WWP1: variants seen among roughly 807,000 people sequenced by gnomAD.
The protein encoded by WWP1 is NEDD4-like E3 ubiquitin-protein ligase WWP1.
A neutral mutation model predicts 130.6 loss-of-function variants in WWP1; 49 were observed. The observed-to-expected ratio is 0.38, with a 90% confidence interval of 0.30 to 0.48. The LOEUF (loss-of-function observed/expected upper bound fraction) is 0.48. Among genes scored for constraint, WWP1 ranks in the 20% least tolerant of loss-of-function variants. WWP1 has a pLI of 0.99. For missense variants in WWP1, 809 were observed against 1,100.6 expected (o/e 0.74, Z 3.75); for synonymous variants, 332 against 367.8 (o/e 0.90, Z 1.11).
chr8:86,438,587 T>G lies in WWP1; in HGVS notation c.1752T>G (p.Ile584Met), dbSNP rs751524730. ...QTLFEDSFQQ[I>M]MALKPYDLRR... ...TTCATGTTTTTGTTTTTAATTAGAT[T>G]ATGGCATTAAAACCCTATGACTTGA... Residue 584 changes from isoleucine (I) to methionine (M), a missense_variant and splice_region_variant, in exon 17 of 25, where the codon ATT (isoleucine) becomes ATG (methionine). Around this residue, in one of 3 missense-constraint regions of WWP1, gnomAD observed 450 missense variants for 674.2 expected, o/e 0.67. Transcript: ENST00000517970. 3 of 1,596,082 alleles carry G rather than the reference T, an allele frequency of 1.9e-6. No homozygotes were observed. The highest frequency in any genetic ancestry group is 2.6e-6 in the Non-Finnish European group (3 of 1,174,948).
chr8:86,438,487 A>G, intron 16 of WWP1, 98 bp from the exon 17 acceptor site: 2 of 889,328 alleles, frequency 2.2e-6, no homozygotes, highest in Non-Finnish European at 3.3e-6. Flanking sequence ...AGATAAGGAA[A>G]TGTGTTATTT....
chr8:86,360,322 T>C (rs1823519491), intron 1 of WWP1, among the ~76,000 whole-genome samples: 1 of 152,188 alleles, frequency 6.6e-6, no homozygotes, highest in Non-Finnish European at 1.5e-5. Context: ...CCTCGTAACT[T>C]TCACATTGTT....
intron 14 of WWP1, among the ~76,000 whole-genome samples, chr8:86,433,258 A>G (rs1586450369): frequency 1.7e-5 from 2 of 119,600 alleles, no homozygotes; most frequent in South Asian, 2.5e-4. Context: ...TGTTAACTAC[A>G]TTCATTCTCT....
Position 86,430,763 on chromosome 8 carries a change from T to A in WWP1, c.1387+12T>A. 6.5e-7 allele frequency: 1 copy of A among 1,532,324 alleles called. No individual in the cohort carries two copies. Among genetic ancestry groups the A allele is most frequent in the Non-Finnish European group, 8.8e-7 (1 of 1,135,852 alleles). The allele number at this position is 1,532,324 out of a possible 1,614,324, so 94.9% of individuals were successfully genotyped here. A position where few individuals can be genotyped will look rare whatever the true frequency, so the allele number is the denominator to read the frequency against. On this transcript the variant is annotated intron_variant, in intron 12 of 24. Transcript: ENST00000517970. ...GCCACCAGGCTGGGGTAAGCTGTTT[T>A]TGCTAATGATCTATAAGGGAGATAT...
At chr8:86,401,803 A>G (rs758222919) in intron 7 of WWP1, among the ~76,000 whole-genome samples, 7 of 152,160 alleles carry the variant, frequency 4.6e-5, no homozygotes, top group Non-Finnish European at 8.8e-5. Context: ...TTAAAACTTT[A>G]ATATAAAACA....
chr8:86,399,188 G>A (rs1014784968), intron 7 of WWP1, among the ~76,000 whole-genome samples: 3 of 152,060 alleles, frequency 2.0e-5, no homozygotes, highest in African/African-American at 7.2e-5. Flanking sequence ...TATTTTATGA[G>A]TACAGTCAGA....
chr8:86,396,934 G>C (rs1464671537), intron 5 of WWP1, among the ~76,000 whole-genome samples: 1 of 152,072 alleles, frequency 6.6e-6, no homozygotes, highest in Non-Finnish European at 1.5e-5. Flanking sequence ...AGATCTCACT[G>C]TGTTGCTGGT....
intron 9 of WWP1, among the ~76,000 whole-genome samples, chr8:86,424,847 G>C (rs1385460760): frequency 1.8e-5 from 1 of 54,906 alleles, no homozygotes; most frequent in Non-Finnish European, 3.3e-5. Flanking sequence ...GGGGAGGGGA[G>C]GGGAGGGGGA....
At chr8:86,369,620 A>G (rs1365603547) in intron 2 of WWP1, among the ~76,000 whole-genome samples, 2 of 152,190 alleles carry the variant, frequency 1.3e-5, no homozygotes, top group South Asian at 2.1e-4. Context: ...TAAGTAATCT[A>G]TGCCTCTTGC....
intron 9 of WWP1, among the ~76,000 whole-genome samples, chr8:86,424,249 C>T (rs1450953121): frequency 5.3e-5 from 8 of 151,336 alleles, no homozygotes; most frequent in South Asian, 2.1e-4. Context: ...AGACGATGGG[C>T]GGCCAGGCAG....
intron 1 of WWP1, among the ~76,000 whole-genome samples, chr8:86,356,433 A>G (rs1823261908): frequency 6.6e-6 from 1 of 150,812 alleles, no homozygotes; most frequent in Non-Finnish European, 1.5e-5. Context: ...GCACGCATAT[A>G]TATATTTATA....
intron 4 of WWP1, among the ~76,000 whole-genome samples, 197 bp from the exon 5 acceptor site, chr8:86,381,308 C>T (rs1011602305): frequency 6.6e-6 from 1 of 152,006 alleles, no homozygotes; most frequent in African/African-American, 2.4e-5. Context: ...TTATTAAAGT[C>T]CTAATGTATT....
At chr8:86,401,500 C>T (rs1412033719) in intron 7 of WWP1, among the ~76,000 whole-genome samples, 2 of 150,746 alleles carry the variant, frequency 1.3e-5, no homozygotes, top group East Asian at 3.9e-4. Flanking sequence ...GTTGAAGCTG[C>T]AGTGAGCCAC....
intron 5 of WWP1, 135 bp downstream of exon 5, chr8:86,381,764 T>C: frequency 1.1e-6 from 1 of 898,748 alleles, no homozygotes; most frequent in Non-Finnish European, 1.5e-6. Context: ...TTGATTAACT[T>C]TGTGGCATTT....
At chr8:86,461,157 G>A (rs1342315008) in intron 22 of WWP1, 67 bp from the exon 23 acceptor site, 1 of 1,372,470 alleles carries the variant, frequency 7.3e-7, no homozygotes, top group African/African-American at 1.4e-5. Context: ...TTCTTCAAGT[G>A]TCTACTACTT....
At chr8:86,425,687 T>TTAA (rs1358258151) in intron 10 of WWP1, among the ~76,000 whole-genome samples, 1 of 152,192 alleles carries the variant, frequency 6.6e-6, no homozygotes, top group Admixed American at 6.5e-5. Flanking sequence ...ATTAAATGAC[T>TTAA]TAAAGGCCCA....
chr8:86,354,533 A>G (rs1353252055), intron 1 of WWP1, among the ~76,000 whole-genome samples: 2 of 152,192 alleles, frequency 1.3e-5, no homozygotes, highest in Admixed American at 6.5e-5. Context: ...AATGAGGAAT[A>G]TCTGATGAAA....
intron 5 of WWP1, among the ~76,000 whole-genome samples, chr8:86,392,122 A>G (rs1807382270): frequency 1.3e-5 from 2 of 152,126 alleles, no homozygotes; most frequent in African/African-American, 2.4e-5. Context: ...TGCTTGCTCA[A>G]GTCTTTTAGT....
At position 86,398,628 on chromosome 8, in the gene WWP1, A is replaced by G. The variant is rs758108001; in HGVS notation, c.529A>G (p.Thr177Ala). Residue 177 changes from threonine (T) to alanine (A), a missense_variant, in exon 7 of 25, where the codon ACA (threonine) becomes GCA (alanine). By Grantham distance (58) the Thr-to-Ala change is moderately conservative (BLOSUM62 0). Transcript: ENST00000517970. ...TGAAAATGGAGAGCCTTCAGCAAGG[A>G]CAACTGCCAGGTAGAATATTTTATT... ...LHENGEPSARTTARLAVEGTN... is the reference protein window; with the variant it reads ...LHENGEPSARATARLAVEGTN... 2 of 1,612,180 alleles carry G rather than the reference A, an allele frequency of 1.2e-6. No homozygotes were observed. The highest frequency in any genetic ancestry group is 3.3e-5 in the Admixed American group (2 of 60,018).
Sources: allele counts gnomAD v4.1 joint callset (sites outside exome capture counted in the v4.1 genomes callset), GRCh38; gene constraint gnomAD v4.1.1; regional missense constraint gnomAD v4.1.1; transcripts MANE v1.5; gene names NCBI Gene and HGNC (gene_info 2026-07-23, HGNC 2026-07-21).